The following ACCSL variants were observed in gnomAD, a reference collection of about 807,000 sequenced individuals.
ACCSL encodes 1-aminocyclopropane-1-carboxylate synthase homolog (inactive) like.
A neutral mutation model predicts 61.7 loss-of-function variants in ACCSL; 55 were observed. The observed-to-expected ratio is 0.89, with a 90% CI of 0.72 to 1.12. The LOEUF is 1.12. Among genes scored for constraint, ACCSL ranks in the 50% most tolerant of loss-of-function variants. The pLI, the probability that ACCSL is intolerant of heterozygous loss-of-function variation, is 0.00. For missense variants in ACCSL, 632 were observed against 698.0 expected, an observed-to-expected ratio of 0.91 and a Z score of 1.07; for synonymous variants, 258 against 264.3, an observed-to-expected ratio of 0.98 and a Z score of 0.23.
the ACCSL span, among the ~76,000 whole-genome samples, chr11:44,006,159 G>A: frequency 6.6e-6 from 1 of 152,210 alleles, no homozygotes; most frequent in Admixed American, 6.5e-5. Context: ...TGACTGTGTG[G>A]ACCCTCCTCT....
At chr11:43,964,226 G>A in the ACCSL span, among the ~76,000 whole-genome samples, 1 of 152,086 alleles carries the variant, frequency 6.6e-6, no homozygotes, top group Non-Finnish European at 1.5e-5. Flanking sequence ...GGCGGATCAT[G>A]AGGTCAAGAG....
intron 8 of ACCSL, 94 bp from the exon 9 acceptor site, chr11:44,055,106 TGA>T: frequency 1.2e-6 from 1 of 858,388 alleles, no homozygotes; most frequent in Non-Finnish European, 1.8e-6. Context: ...ATAAAAGACA[TGA>T]CTTAAGATTA....
chr11:43,943,150 G>C, the ACCSL span: 4 of 1,501,544 alleles, frequency 2.7e-6, no homozygotes, highest in African/African-American at 5.8e-5. The surrounding 1 kb of genome is among the most constrained non-coding windows in gnomAD (Gnocchi z 4.8). Context: ...CCAAGAAGTC[G>C]TTCCTGCAGA....
the ACCSL span, among the ~76,000 whole-genome samples, chr11:44,022,551 C>G: frequency 6.6e-6 from 1 of 152,236 alleles, no homozygotes; most frequent in African/African-American, 2.4e-5. Context: ...ACGATCATAT[C>G]ATTGGTGAAT....
At chr11:44,024,346 A>T in the ACCSL span, among the ~76,000 whole-genome samples, 2 of 152,058 alleles carry the variant, frequency 1.3e-5, no homozygotes, top group East Asian at 3.9e-4. Flanking sequence ...ATGGCAGATT[A>T]TGGGACTTCT....
At chr11:43,979,847 A>C in the ACCSL span, among the ~76,000 whole-genome samples, 1 of 103,764 alleles carries the variant, frequency 9.6e-6, no homozygotes, top group East Asian at 2.5e-4. Context: ...ACTCTGTCTC[A>C]AAAAAAAAAA....
At chr11:43,945,526 C>T in the ACCSL span, 2 of 151,868 alleles carry the variant, frequency 1.3e-5, no homozygotes, top group East Asian at 1.9e-4. Context: ...AGATCCTCCC[C>T]TCTGCATAGC....
At chr11:44,044,291 T>C (rs1590425322), upstream of ACCSL, among the ~76,000 whole-genome samples, 1 of 152,162 alleles carries the variant, frequency 6.6e-6, no homozygotes, top group East Asian at 1.9e-4. Flanking sequence ...GGCTCTAATG[T>C]GAGACCCTAG....
the ACCSL span, among the ~76,000 whole-genome samples, chr11:43,949,904 G>A: frequency 6.6e-6 from 1 of 152,188 alleles, no homozygotes; most frequent in Non-Finnish European, 1.5e-5. Flanking sequence ...AGGGCCTCAA[G>A]ATCTTTACCC....
chr11:43,937,274 C>G, the ACCSL span, among the ~76,000 whole-genome samples: 1 of 152,152 alleles, frequency 6.6e-6, no homozygotes, highest in South Asian at 2.1e-4. Flanking sequence ...GCGGACAGTA[C>G]AGTGTCAACA....
chr11:44,059,784 A>G (rs1450500628), intron 13 of ACCSL, 54 bp from the exon 14 acceptor site: 2 of 1,536,796 alleles, frequency 1.3e-6, no homozygotes, highest in Non-Finnish European at 1.8e-6. Flanking sequence ...TCTGGGACCC[A>G]CCAGCAAACC....
the ACCSL span, among the ~76,000 whole-genome samples, chr11:44,041,884 TG>T: frequency 7.2e-5 from 11 of 152,346 alleles, no homozygotes; most frequent in African/African-American, 2.4e-4. Context: ...TTAAATAAGT[TG>T]TCTAAATAAA....
the ACCSL span, among the ~76,000 whole-genome samples, chr11:44,014,704 C>T: frequency 6.6e-6 from 1 of 152,040 alleles, no homozygotes; most frequent in Admixed American, 6.5e-5. Flanking sequence ...TAGGGCAGCC[C>T]CTGGCAGGGC....
At chr11:44,007,186 G>A in the ACCSL span, among the ~76,000 whole-genome samples, 8,363 of 152,312 alleles carry the variant, frequency 0.055, 282 homozygotes, top group Middle Eastern at 0.095. Context: ...GCCTGCTCTG[G>A]TTTTTGCCAG....
the ACCSL span, among the ~76,000 whole-genome samples, chr11:43,925,781 C>A: frequency 6.6e-6 from 1 of 152,152 alleles, no homozygotes; most frequent in Non-Finnish European, 1.5e-5. Context: ...GCTGAGTCAC[C>A]TCAGACCAGT....
chr11:44,020,216 T>G, the ACCSL span, among the ~76,000 whole-genome samples: 1 of 152,208 alleles, frequency 6.6e-6, no homozygotes, highest in Non-Finnish European at 1.5e-5. Context: ...GCTCGTATAG[T>G]TTGTGTATTT....
the ACCSL span, among the ~76,000 whole-genome samples, chr11:44,007,933 G>A: frequency 6.6e-6 from 1 of 152,116 alleles, no homozygotes; most frequent in Non-Finnish European, 1.5e-5. Flanking sequence ...CAGCACACAG[G>A]GTGCAGCTCT....
the ACCSL span, among the ~76,000 whole-genome samples, chr11:43,988,488 T>A: frequency 6.6e-6 from 1 of 150,466 alleles, no homozygotes; most frequent in East Asian, 2.0e-4. Flanking sequence ...GGTTGCATCA[T>A]CGCATGTAGA....
At chr11:43,939,756 G>A in the ACCSL span, among the ~76,000 whole-genome samples, 1 of 152,162 alleles carries the variant, frequency 6.6e-6, no homozygotes, top group Non-Finnish European at 1.5e-5. Flanking sequence ...ACAGGCACCT[G>A]CCACCACACC....
Sources: gnomAD v4.1 joint callset for allele counts (sites outside exome capture counted in the v4.1 genomes callset) on GRCh38, gnomAD v4.1.1 for gene constraint, Gnocchi (gnomAD v3.1) non-coding constraint, MANE v1.5 for transcripts, NCBI Gene and HGNC (gene_info 2026-07-23, HGNC 2026-07-21) for gene names.